The following PXDNL variants were observed in gnomAD, a reference collection of about 807,000 sequenced individuals.
PXDNL encodes probable oxidoreductase PXDNL.
A neutral mutation model predicts 150.8 loss-of-function variants in PXDNL; 145 were observed. That is an observed-to-expected ratio of 0.96 (90% confidence interval 0.84 to 1.10). The LOEUF is 1.10. Among genes scored for constraint, PXDNL ranks in the 50% least tolerant of loss-of-function variants. The pLI is 0.00. For missense variants in PXDNL, 2,087 were observed against 1,873.9 expected, an observed-to-expected ratio of 1.11 and a Z score of -2.10; for synonymous variants, 757 against 725.7, an observed-to-expected ratio of 1.04 and a Z score of -0.69.
chr8:51,457,532 T>C lies in PXDNL; in HGVS notation c.948A>G (p.Thr316=), dbSNP rs1487689408. The change falls in exon 9 of 23, where the codon ACA becomes ACG. Residue 316 remains threonine (T), a synonymous_variant. Coordinates refer to ENST00000356297, the MANE Select transcript of PXDNL (RefSeq NM_144651.5). ...MARNSAGEAK[T]QSAMLRYSSL... ...TGGAGTATCTGAGCATGGCACTCTG[T>C]GTCTTGGCTTCCCCAGCGGAATTTC... 1 of 1,613,460 alleles carries C rather than the reference T, an allele frequency of 6.2e-7. No individual in the cohort carries two copies. Among genetic ancestry groups the C allele is most frequent in the East Asian group, 2.2e-5 (1 of 44,846 alleles).
intron 3 of PXDNL, among the ~76,000 whole-genome samples, chr8:51,581,111 A>T (rs1377848366): frequency 6.6e-6 from 1 of 152,108 alleles, no homozygotes; most frequent in Non-Finnish European, 1.5e-5. Flanking sequence ...AATAGGAAGG[A>T]GTGAGAAAAA....
intron 1 of PXDNL, among the ~76,000 whole-genome samples, chr8:51,689,010 A>G (rs1815933348): frequency 6.6e-6 from 1 of 152,098 alleles, no homozygotes; most frequent in African/African-American, 2.4e-5. Context: ...CTCCCTTGCC[A>G]CGCCATTAGG....
intron 16 of PXDNL, among the ~76,000 whole-genome samples, chr8:51,410,833 G>A (rs1356330385): frequency 1.3e-5 from 2 of 152,066 alleles, no homozygotes; most frequent in Non-Finnish European, 2.9e-5. Context: ...AAAGAACTGG[G>A]GAGGTATTAT....
chr8:51,692,476 A>G (rs866018106), intron 1 of PXDNL, among the ~76,000 whole-genome samples: 1 of 152,252 alleles, frequency 6.6e-6, no homozygotes, highest in Admixed American at 6.5e-5. Flanking sequence ...CCATGAAAGT[A>G]TAACACATTT....
chr8:51,763,487 A>C (rs1305776997), intron 1 of PXDNL, among the ~76,000 whole-genome samples: 1 of 152,062 alleles, frequency 6.6e-6, no homozygotes, highest in African/African-American at 2.4e-5. Flanking sequence ...AGGTCACCCT[A>C]AGGGAAGAAT....
chr8:51,607,851 A>AGG (rs1813870641), intron 2 of PXDNL, among the ~76,000 whole-genome samples: 6 of 95,498 alleles, frequency 6.3e-5, no homozygotes, highest in African/African-American at 2.3e-4. Flanking sequence ...AAAAAAAGGA[A>AGG]GAGAGGAAGG....
rs117026774 is a variant in PXDNL, at chr8:51,626,345, G to A, written c.236+28344C>T. On this transcript the variant is annotated intron_variant, in intron 2 of 22. Transcript: ENST00000356297. ...AAAAACTACAGTTTGGTTATGAAAA[G>A]AAAACCATTCTCTATCTCAATCCAT... 2.6e-3 allele frequency among the ~76,000 whole-genome samples: 401 copies of A among 152,238 alleles called. 3 individuals are homozygous for A. The highest frequency in any genetic ancestry group is 6.8e-3 in the Middle Eastern group (2 of 294).
chr8:51,530,326 T>TCATGAC (rs1475186815), intron 4 of PXDNL, among the ~76,000 whole-genome samples: 1 of 152,148 alleles, frequency 6.6e-6, no homozygotes, highest in Non-Finnish European at 1.5e-5. Flanking sequence ...ATCCATTTGT[T>TCATGAC]CATGACATCT....
chr8:51,694,325 T>C (rs1338674284), intron 1 of PXDNL, among the ~76,000 whole-genome samples: 2 of 152,038 alleles, frequency 1.3e-5, no homozygotes, highest in Non-Finnish European at 2.9e-5. Flanking sequence ...ATGGTGCTAC[T>C]GCCCTCCGGC....
chr8:51,457,764 T>C lies in PXDNL; in HGVS notation c.813-97A>G, dbSNP rs999450069. On this transcript the variant is annotated intron_variant, in intron 8 of 22. Transcript: ENST00000356297. ...TATAGTACTATATAGCTATGTTTCA[T>C]GTCTACCAAATTTGTTAAATTTATT... 39 of 793,644 alleles carry C rather than the reference T, an allele frequency of 4.9e-5. No individual in the cohort carries two copies. The South Asian group carries it at 6.6e-4, about 13-fold the overall frequency. The allele number at this position is 793,644 out of a possible 1,614,324, so 49.2% of individuals were successfully genotyped here.
chr8:51,606,079 A>T (rs1264138736), intron 2 of PXDNL, among the ~76,000 whole-genome samples: 2 of 127,728 alleles, frequency 1.6e-5, no homozygotes, highest in East Asian at 2.2e-4. Context: ...ATCTCTTTTT[A>T]AAAAAAGAAA....
chr8:51,719,327 A>G (rs1816680621), intron 1 of PXDNL, among the ~76,000 whole-genome samples: 1 of 152,144 alleles, frequency 6.6e-6, no homozygotes, highest in African/African-American at 2.4e-5. Context: ...GATGCTGTTG[A>G]TCTATGACCT....
At chr8:51,381,531 T>C (rs1436503780) in intron 17 of PXDNL, among the ~76,000 whole-genome samples, 1 of 152,194 alleles carries the variant, frequency 6.6e-6, no homozygotes, top group African/African-American at 2.4e-5. Context: ...TCTGCTAATA[T>C]GGTAATACTA....
intron 1 of PXDNL, among the ~76,000 whole-genome samples, chr8:51,752,510 A>T (rs539739524): frequency 6.6e-6 from 1 of 152,130 alleles, no homozygotes; most frequent in Non-Finnish European, 1.5e-5. Context: ...AACAGTTGCT[A>T]TGGAGGCCTA....
At chr8:51,461,969 C>CAAACAA (rs1279768929) in intron 8 of PXDNL, among the ~76,000 whole-genome samples, 1 of 152,260 alleles carries the variant, frequency 6.6e-6, no homozygotes, top group African/African-American at 2.4e-5. Flanking sequence ...AATACACCAC[C>CAAACAA]AAACAAAAAT....
chr8:51,500,930 C>T (rs899047557), intron 4 of PXDNL, among the ~76,000 whole-genome samples: 3 of 152,170 alleles, frequency 2.0e-5, no homozygotes, highest in African/African-American at 7.2e-5. Flanking sequence ...AAAAGAAATA[C>T]TTTTACTTCA....
At chr8:51,803,675 T>G (rs2037645234) in intron 1 of PXDNL, among the ~76,000 whole-genome samples, 1 of 152,214 alleles carries the variant, frequency 6.6e-6, no homozygotes, top group Non-Finnish European at 1.5e-5. Flanking sequence ...TTTGGAGTTG[T>G]GCAGTACACA....
chr8:51,607,294 C>A (rs1813856193), intron 2 of PXDNL, among the ~76,000 whole-genome samples: 1 of 152,146 alleles, frequency 6.6e-6, no homozygotes, highest in Non-Finnish European at 1.5e-5. Flanking sequence ...ACATCACATG[C>A]CACTTTTGAG....
At chr8:51,356,141 T>A (rs989316056) in intron 19 of PXDNL, among the ~76,000 whole-genome samples, 7 of 152,182 alleles carry the variant, frequency 4.6e-5, no homozygotes, top group African/African-American at 1.7e-4. Flanking sequence ...AAGTGTTGGT[T>A]TTTTTGGTCT....
Sources: gnomAD v4.1 joint callset for allele counts (sites outside exome capture counted in the v4.1 genomes callset) on GRCh38, gnomAD v4.1.1 for gene constraint, MANE v1.5 for transcripts, NCBI Gene and HGNC (gene_info 2026-07-23, HGNC 2026-07-21) for gene names.